SORCS3: variants seen among roughly 807,000 people sequenced by gnomAD.
SORCS3 encodes sortilin related VPS10 domain containing receptor 3.
SORCS3 carries 57 observed loss-of-function variants against 146.3 expected under a neutral mutation model. The observed-to-expected ratio is 0.39, with a 90% CI of 0.31 to 0.49. The LOEUF (loss-of-function observed/expected upper bound fraction) is 0.49. Ranked by LOEUF, SORCS3 falls within the 20% of genes least tolerant of loss-of-function variation. The pLI is 0.92. For synonymous variants in SORCS3, 653 were observed against 618.5 expected, an observed-to-expected ratio of 1.06 and a Z score of -0.83; for missense variants, 1,341 against 1,575.5, an observed-to-expected ratio of 0.85 and a Z score of 2.52.
chr10:105,015,374 T>C (rs1037178069), intron 4 of SORCS3, among the ~76,000 whole-genome samples: 1 of 152,190 alleles, frequency 6.6e-6, no homozygotes, highest in East Asian at 1.9e-4. Flanking sequence ...CAAATGCCCA[T>C]AGATCGAAGA....
chr10:105,182,357 A>G (rs2056448525), intron 14 of SORCS3, among the ~76,000 whole-genome samples: 1 of 151,054 alleles, frequency 6.6e-6, no homozygotes, highest in East Asian at 2.0e-4. Flanking sequence ...AGATGAGGAC[A>G]CTGAGGCTCA....
intron 7 of SORCS3, among the ~76,000 whole-genome samples, chr10:105,117,968 A>G (rs2055904927): frequency 6.6e-6 from 1 of 151,972 alleles, no homozygotes; most frequent in Non-Finnish European, 1.5e-5. Flanking sequence ...TTCCAATATC[A>G]TCTTACTTTC....
At chr10:104,874,957 G>A (rs1481529479) in intron 2 of SORCS3, among the ~76,000 whole-genome samples, 1 of 152,058 alleles carries the variant, frequency 6.6e-6, no homozygotes, top group African/African-American at 2.4e-5. Context: ...TTGAATCCTT[G>A]AATTACACTA....
At chr10:104,726,560 G>A (rs2016636571) in intron 1 of SORCS3, among the ~76,000 whole-genome samples, 2 of 151,884 alleles carry the variant, frequency 1.3e-5, no homozygotes, top group African/African-American at 4.8e-5. Flanking sequence ...AGGCATTTGT[G>A]CCATCCCACC....
At chr10:104,924,011 C>T (rs1054827853) in intron 3 of SORCS3, among the ~76,000 whole-genome samples, 5 of 152,162 alleles carry the variant, frequency 3.3e-5, no homozygotes, top group Non-Finnish European at 7.3e-5. Flanking sequence ...ATGATGTTGG[C>T]ACGATCATCA....
At chr10:104,993,602 TG>T (rs1489480485) in intron 4 of SORCS3, among the ~76,000 whole-genome samples, 3 of 151,122 alleles carry the variant, frequency 2.0e-5, no homozygotes, top group Admixed American at 6.6e-5. Context: ...GAAAGGTGGC[TG>T]GGAAATTCAC....
intron 2 of SORCS3, among the ~76,000 whole-genome samples, chr10:104,873,113 T>A (rs949996803): frequency 2.6e-5 from 4 of 152,224 alleles, no homozygotes; most frequent in Non-Finnish European, 5.9e-5. Flanking sequence ...GTCACACGAA[T>A]GTGTCCGTCA....
At chr10:104,776,190 T>G (rs572356734) in intron 1 of SORCS3, among the ~76,000 whole-genome samples, 1 of 152,020 alleles carries the variant, frequency 6.6e-6, no homozygotes, top group African/African-American at 2.4e-5. Context: ...GAACATGTGG[T>G]TGTATGAAGA....
chr10:105,211,093 G>A (rs569837642), intron 16 of SORCS3, 44 bp from the exon 17 acceptor site: 97 of 1,407,396 alleles, frequency 6.9e-5, no homozygotes, highest in East Asian at 2.3e-4. Flanking sequence ...TTATTTTAGC[G>A]TTTGTACATA....
chr10:104,888,544 G>A (rs1325695340), intron 2 of SORCS3, among the ~76,000 whole-genome samples: 2 of 128,388 alleles, frequency 1.6e-5, no homozygotes, highest in African/African-American at 8.2e-5. Flanking sequence ...TACCTCTCCA[G>A]TACTCACCTT....
chr10:105,076,709 T>C (rs2055591589), intron 5 of SORCS3, among the ~76,000 whole-genome samples: 1 of 152,230 alleles, frequency 6.6e-6, no homozygotes, highest in Admixed American at 6.5e-5. Flanking sequence ...TATGCTAGGC[T>C]GTAACTCACA....
chr10:104,647,709 G>A (rs2015511480), intron 1 of SORCS3, among the ~76,000 whole-genome samples: 1 of 152,162 alleles, frequency 6.6e-6, no homozygotes, highest in Admixed American at 6.5e-5. Flanking sequence ...AGATCATTTT[G>A]CCCTAAGATA....
intron 1 of SORCS3, among the ~76,000 whole-genome samples, chr10:104,696,137 CATATT>C (rs1304541308): frequency 1.0e-5 from 1 of 98,778 alleles, no homozygotes; most frequent in Admixed American, 1.3e-4. Context: ...ATCATATACA[CATATT>C]ATATATAATA....
chr10:105,031,312 A>G (rs1217625157), intron 4 of SORCS3, among the ~76,000 whole-genome samples: 2 of 136,800 alleles, frequency 1.5e-5, no homozygotes, highest in Non-Finnish European at 3.1e-5. Context: ...AAAAACAAAC[A>G]AACAACACAC....
intron 4 of SORCS3, among the ~76,000 whole-genome samples, chr10:105,010,838 T>C (rs1294205262): frequency 6.6e-6 from 1 of 152,098 alleles, no homozygotes; most frequent in Non-Finnish European, 1.5e-5. Flanking sequence ...GGGTTACAGC[T>C]GCCTTGGCTC....
rs141241617 is a variant in SORCS3, at chr10:104,674,931, A to G, written c.627+32977A>G. Among the ~76,000 whole-genome samples the G allele has an allele frequency of 3.6e-3, 547 of 152,328 alleles. 9 individuals are homozygous for G. The highest frequency in any genetic ancestry group is 0.03 in the South Asian group (143 of 4,830). On this transcript the variant is annotated intron_variant, in intron 1 of 26. Transcript: ENST00000369701. Reference sequence around the variant, plus strand: ...TCTGACTTGTTTCCAATTTTTGGCTATATGAACATTCCTGTACATTTTTTG... The same window carrying G: ...TCTGACTTGTTTCCAATTTTTGGCTGTATGAACATTCCTGTACATTTTTTG...
At chr10:105,055,271 G>A (rs2055438750) in intron 5 of SORCS3, among the ~76,000 whole-genome samples, 1 of 152,114 alleles carries the variant, frequency 6.6e-6, no homozygotes, top group Admixed American at 6.6e-5. Context: ...TACGTAATTT[G>A]CCTAAGGACA....
intron 1 of SORCS3, among the ~76,000 whole-genome samples, chr10:104,755,382 G>A (rs1402901482): frequency 6.6e-6 from 1 of 152,190 alleles, no homozygotes; most frequent in Non-Finnish European, 1.5e-5. Flanking sequence ...TTATCCATAT[G>A]TGAATTTTCT....
chr10:104,883,070 AT>A (rs762573612), intron 2 of SORCS3, among the ~76,000 whole-genome samples: 1 of 151,974 alleles, frequency 6.6e-6, no homozygotes, highest in South Asian at 2.1e-4. Flanking sequence ...TAGGAGCTTC[AT>A]TTTTTTTATT....
Sources: gnomAD v4.1 joint callset for allele counts (sites outside exome capture counted in the v4.1 genomes callset) on GRCh38, gnomAD v4.1.1 for gene constraint, MANE v1.5 for transcripts, NCBI Gene and HGNC (gene_info 2026-07-23, HGNC 2026-07-21) for gene names.